SLC7A8: variants seen among roughly 807,000 people sequenced by gnomAD.
The protein encoded by SLC7A8 is large neutral amino acids transporter small subunit 2.
Under a neutral mutation model 51.2 loss-of-function variants are expected in SLC7A8, and 30 were observed. The ratio of observed to expected loss-of-function variants is 0.59; its 90% CI spans 0.44 to 0.80. SLC7A8 has a LOEUF of 0.80. Among genes scored for constraint, SLC7A8 ranks in the 30% least tolerant of loss-of-function variants. The pLI is 0.00. For missense variants in SLC7A8, 612 were observed against 674.4 expected, an observed-to-expected ratio of 0.91 and a Z score of 1.03; for synonymous variants, 257 against 275.8, an observed-to-expected ratio of 0.93 and a Z score of 0.67.
At chr14:23,168,435 C>T (rs1038695933) in intron 1 of SLC7A8, among the ~76,000 whole-genome samples, 2 of 152,130 alleles carry the variant, frequency 1.3e-5, no homozygotes, top group Non-Finnish European at 2.9e-5. Flanking sequence ...GACAGGTTTG[C>T]TAATAGTGCT....
chr14:23,170,999 G>A (rs944863386), intron 1 of SLC7A8, among the ~76,000 whole-genome samples: 1 of 152,178 alleles, frequency 6.6e-6, no homozygotes, highest in African/African-American at 2.4e-5. Context: ...AAAGTGCTGA[G>A]ATTACAGGCA....
intron 5 of SLC7A8, 76 bp from the exon 6 acceptor site, chr14:23,139,623 T>C: frequency 6.6e-7 from 1 of 1,517,806 alleles, no homozygotes; most frequent in Non-Finnish European, 8.9e-7. Flanking sequence ...AGGGGGTGTC[T>C]TCTGTCTTTC....
In SLC7A8 at chr14:23,127,140, G is replaced by A. The variant is rs373553866; in HGVS notation, c.*37C>T. On this transcript the variant is annotated 3_prime_UTR_variant, in exon 11 of 11. Transcript: ENST00000316902. ...CCAAGGCAGGGAGGTAGGATAAAAGGGGGAGGAAGGAGAGAGTAGCCAGGG... is the reference window on the plus strand; with the variant it reads ...CCAAGGCAGGGAGGTAGGATAAAAGAGGGAGGAAGGAGAGAGTAGCCAGGG... 6.8e-6 allele frequency: 11 copies of A among 1,611,554 alleles called. No homozygotes were observed. The African/African-American group carries it at 1.3e-4, about 20-fold the overall frequency.
intron 3 of SLC7A8, among the ~76,000 whole-genome samples, chr14:23,147,684 T>C (rs1190537853): frequency 1.3e-5 from 2 of 152,188 alleles, no homozygotes; most frequent in Non-Finnish European, 1.5e-5. Flanking sequence ...TCTTGCTTCC[T>C]GGGTAAAAAA....
chr14:23,180,374 C>T (rs1312032920), intron 1 of SLC7A8, among the ~76,000 whole-genome samples: 1 of 152,190 alleles, frequency 6.6e-6, no homozygotes, highest in Non-Finnish European at 1.5e-5. Flanking sequence ...GGCAGTTCCT[C>T]AGCACATCTG....
chr14:23,127,639 CTATTT>C (rs1041569434), intron 10 of SLC7A8, among the ~76,000 whole-genome samples: 1 of 152,182 alleles, frequency 6.6e-6, no homozygotes, highest in Non-Finnish European at 1.5e-5. Context: ...GACAGGTTGC[CTATTT>C]TATTTTAAAA....
Position 23,181,880 on chromosome 14 carries a change from C to T in SLC7A8, c.151+884G>A, listed in dbSNP as rs935015142. Among the ~76,000 whole-genome samples the T allele has an allele frequency of 7.2e-5, 11 of 152,312 alleles. No individual in the cohort carries two copies. The South Asian group carries it at 1.7e-3, about 23-fold the overall frequency. ...GGAAAGAGGATGTGCTGTCTAGAGA[C>T]GAAGCTGTATTTGGGACTCCTGCCC... is the stretch of plus-strand genomic sequence containing the variant. On this transcript the variant is annotated intron_variant, in intron 1 of 10. Coordinates refer to ENST00000316902, the MANE Select transcript of SLC7A8 (RefSeq NM_012244.4).
At chr14:23,174,097 A>C (rs972988506) in intron 1 of SLC7A8, among the ~76,000 whole-genome samples, 2 of 152,222 alleles carry the variant, frequency 1.3e-5, no homozygotes, top group Non-Finnish European at 2.9e-5. Context: ...GGTTCCTCCC[A>C]GTCTATGGCA....
In SLC7A8 at chr14:23,127,242, G is replaced by A; in HGVS notation, c.1543C>T (p.Gln515Ter). Residue 515 changes from glutamine to a stop codon, truncating the protein, a stop_gained, in exon 11 of 11, where the codon CAG becomes TAG. Transcript: ENST00000316902. LOFTEE classifies it high-confidence loss of function. ...GGAGTGGGTTGGTACATGGGCTGCT[G>A]CTGCTCCTCCATGTCCTCATTAGCC... ...EEANEDMEEQ[Q>*]QPMYQPTPTK... 6.2e-7 allele frequency: 1 copy of A among 1,614,108 alleles called. No individual in the cohort carries two copies. Among genetic ancestry groups the A allele is most frequent in the Non-Finnish European group, 8.5e-7 (1 of 1,179,978 alleles).
chr14:23,156,953 C>T (rs1011414247), intron 3 of SLC7A8, among the ~76,000 whole-genome samples: 13 of 152,206 alleles, frequency 8.5e-5, no homozygotes, highest in Non-Finnish European at 1.6e-4. Context: ...AGTTGAAGCA[C>T]ATTGAAACGA....
intron 1 of SLC7A8, 143 bp from the exon 2 acceptor site, chr14:23,166,683 A>G (rs1333818752): frequency 2.4e-6 from 2 of 816,926 alleles, no homozygotes; most frequent in East Asian, 2.6e-5. Context: ...AGGTGTGCCT[A>G]GCAATAATTC....
intron 1 of SLC7A8, among the ~76,000 whole-genome samples, chr14:23,167,227 A>T (rs2048954778): frequency 6.6e-6 from 1 of 152,190 alleles, no homozygotes; most frequent in Non-Finnish European, 1.5e-5. Flanking sequence ...TAGGAATGCA[A>T]TACATACAAA....
intron 8 of SLC7A8, among the ~76,000 whole-genome samples, chr14:23,131,138 G>A (rs1425883102): frequency 2.6e-5 from 4 of 152,218 alleles, no homozygotes; most frequent in Non-Finnish European, 4.4e-5. Context: ...TAACAGGTGC[G>A]AGGAGAGCCA....
At chr14:23,157,791 C>T (rs930762729) in intron 3 of SLC7A8, among the ~76,000 whole-genome samples, 1 of 152,226 alleles carries the variant, frequency 6.6e-6, no homozygotes, top group Non-Finnish European at 1.5e-5. Flanking sequence ...GCTTCTTCAA[C>T]CCCAGTCCCA....
intron 1 of SLC7A8, among the ~76,000 whole-genome samples, chr14:23,182,523 G>A (rs1877226671): frequency 6.6e-6 from 1 of 152,090 alleles, no homozygotes; most frequent in African/African-American, 2.4e-5. Flanking sequence ...CCGGGTTTCT[G>A]ACCACGATTT....
rs761510141 is a variant in SLC7A8, at chr14:23,137,973, C to T, written c.964G>A (p.Val322Ile). ...ACTCCTCCAAATGTGGACAGGGCAA[C>T]AGAAATGGGCATGATCCAGGCCATG... Reference protein sequence around the residue: ...GVMAWIMPISVALSTFGGVNG... With the variant: ...GVMAWIMPISIALSTFGGVNG... Residue 322 changes from valine to isoleucine, a missense_variant, in exon 7 of 11, where the codon GTT (valine) becomes ATT (isoleucine). Transcript: ENST00000316902. 1 of 1,613,778 alleles carries T rather than the reference C, an allele frequency of 6.2e-7. No individual in the cohort carries two copies. The highest frequency in any genetic ancestry group is 8.5e-7 in the Non-Finnish European group (1 of 1,179,976).
chr14:23,147,452 C>T (rs1168736088), intron 3 of SLC7A8, among the ~76,000 whole-genome samples: 1 of 152,210 alleles, frequency 6.6e-6, no homozygotes, highest in East Asian at 1.9e-4. Flanking sequence ...TGAGGAACCA[C>T]TAACTCAGCC....
chr14:23,155,304 G>A (rs2048884612), intron 3 of SLC7A8: 2 of 1,535,960 alleles, frequency 1.3e-6, no homozygotes, highest in Middle Eastern at 1.7e-4. Context: ...TGCTCCTGGA[G>A]GCACACAGCT....
At chr14:23,153,945 G>C (rs961353296) in intron 3 of SLC7A8, among the ~76,000 whole-genome samples, 1 of 152,188 alleles carries the variant, frequency 6.6e-6, no homozygotes, top group Non-Finnish European at 1.5e-5. Flanking sequence ...GTGAAGAAGA[G>C]AGGGAAAGAG....
Sources: gnomAD v4.1 joint callset for allele counts (sites outside exome capture counted in the v4.1 genomes callset) on GRCh38, gnomAD v4.1.1 for gene constraint, MANE v1.5 for transcripts, NCBI Gene and HGNC (gene_info 2026-07-23, HGNC 2026-07-21) for gene names.